Variants in CWC27 observed in about 807,000 individuals in gnomAD.
CWC27 encodes the protein CWC27 spliceosome associated cyclophilin.
Under a neutral mutation model 63.6 loss-of-function variants are expected in CWC27, and 47 were observed. That is an observed-to-expected ratio of 0.74 (90% CI 0.58 to 0.94). The LOEUF is 0.94. Among genes scored for constraint, CWC27 ranks in the 40% least tolerant of loss-of-function variants. CWC27 has a pLI of 0.00. For missense variants in CWC27, 495 were observed against 554.3 expected (o/e 0.89, Z 1.07); for synonymous variants, 175 against 179.8 (o/e 0.97, Z 0.22).
At chr5:64,958,709 A>T (rs1169556258) in intron 11 of CWC27, among the ~76,000 whole-genome samples, 1 of 152,186 alleles carries the variant, frequency 6.6e-6, no homozygotes, top group Non-Finnish European at 1.5e-5. Context: ...TGTAACCTGC[A>T]CATTTCTCAA....
chr5:64,873,592 G>A (rs992062016), intron 10 of CWC27, among the ~76,000 whole-genome samples: 3 of 152,004 alleles, frequency 2.0e-5, no homozygotes, highest in African/African-American at 7.3e-5. Context: ...CTCCTTGTCA[G>A]GTGAGTAGTA....
chr5:64,986,687 C>A lies in CWC27; in HGVS notation c.1256+9449C>A, dbSNP rs574290425. Among the ~76,000 whole-genome samples the A allele has an allele frequency of 2.6e-5, 4 of 151,822 alleles. No homozygotes were observed. In the South Asian group the frequency reaches 6.2e-4, roughly 24 times the overall value. ...CTGATGCTTTTTGTTTTATCAGAGC[C>A]CCCCCCGGACTGGGCCCCCAGGAGT... On this transcript the variant is annotated intron_variant, in intron 13 of 13. Transcript: ENST00000381070.
intron 11 of CWC27, among the ~76,000 whole-genome samples, chr5:64,923,639 C>A (rs1748044760): frequency 6.9e-6 from 1 of 144,798 alleles, no homozygotes; most frequent in African/African-American, 2.6e-5. Context: ...TTCTATTTCT[C>A]CCAGTTGACA....
intron 11 of CWC27, among the ~76,000 whole-genome samples, chr5:64,938,361 T>C (rs933461754): frequency 4.6e-5 from 7 of 152,194 alleles, no homozygotes; most frequent in Non-Finnish European, 7.3e-5. Flanking sequence ...CCTTCACTTA[T>C]GAAGCTTAGT....
intron 10 of CWC27, among the ~76,000 whole-genome samples, chr5:64,816,088 A>T (rs1266341477): frequency 1.3e-5 from 2 of 152,050 alleles, no homozygotes; most frequent in Non-Finnish European, 2.9e-5. Context: ...CATTTGTTCC[A>T]TTATCCTCAC....
intron 10 of CWC27, among the ~76,000 whole-genome samples, chr5:64,839,952 C>T (rs1317887408): frequency 2.6e-5 from 4 of 152,136 alleles, no homozygotes; most frequent in African/African-American, 9.7e-5. Flanking sequence ...ATTGTAACTT[C>T]AGGGTCATAT....
intron 13 of CWC27, among the ~76,000 whole-genome samples, chr5:65,014,617 T>C (rs891278423): frequency 5.9e-5 from 9 of 152,092 alleles, no homozygotes; most frequent in African/African-American, 2.2e-4. Flanking sequence ...TATTGGGACA[T>C]ACATGATTGT....
intron 10 of CWC27, among the ~76,000 whole-genome samples, chr5:64,840,362 TAAAAAAAAAAAAAAAAAAAA>T (rs10534375): frequency 2.7e-4 from 6 of 22,240 alleles, no homozygotes; most frequent in African/African-American, 8.7e-4. Context: ...CCTTTTTCAT[TAAAAAAAAAAAAAAAAAAAA>T]AAAAAAAAAA....
intron 10 of CWC27, among the ~76,000 whole-genome samples, chr5:64,805,215 C>G (rs1341347959): frequency 6.6e-6 from 1 of 151,436 alleles, no homozygotes; most frequent in Non-Finnish European, 1.5e-5. Context: ...TTTATGTAAT[C>G]AAATAAAAAT....
intron 11 of CWC27, among the ~76,000 whole-genome samples, chr5:64,899,584 T>C (rs1747456274): frequency 4.6e-5 from 7 of 152,190 alleles, no homozygotes; most frequent in Admixed American, 4.6e-4. Flanking sequence ...ATGAACATAT[T>C]ATGAAACAGG....
chr5:65,004,378 C>CTTTTTT (rs70983659), intron 13 of CWC27, among the ~76,000 whole-genome samples: 34 of 79,518 alleles, frequency 4.3e-4, no homozygotes, highest in Non-Finnish European at 5.4e-4. Flanking sequence ...GTTGTATAGG[C>CTTTTTT]TTTTTTTTTT....
At chr5:64,824,815 C>T (rs1745315287) in intron 10 of CWC27, among the ~76,000 whole-genome samples, 1 of 148,994 alleles carries the variant, frequency 6.7e-6, no homozygotes, top group African/African-American at 2.5e-5. Context: ...TCACTGCAAC[C>T]TCCGCCTCCC....
intron 10 of CWC27, among the ~76,000 whole-genome samples, chr5:64,823,240 A>G (rs974924254): frequency 4.6e-5 from 7 of 152,252 alleles, no homozygotes; most frequent in African/African-American, 1.7e-4. Context: ...TGAAAGTACC[A>G]TTGATACCAC....
At chr5:64,860,215 T>TAACTTATAAATAACATAAATAATG (rs1257990049) in intron 10 of CWC27, among the ~76,000 whole-genome samples, 4 of 152,202 alleles carry the variant, frequency 2.6e-5, no homozygotes, top group African/African-American at 7.2e-5. Flanking sequence ...ATGTTATTTA[T>TAACTTATAAATAACATAAATAATG]TTGCTGATAT....
At chr5:64,836,088 A>G (rs1232282497) in intron 10 of CWC27, among the ~76,000 whole-genome samples, 2 of 151,972 alleles carry the variant, frequency 1.3e-5, no homozygotes, top group African/African-American at 4.8e-5. Flanking sequence ...TATTATATTC[A>G]AATAAGTAAA....
intron 11 of CWC27, among the ~76,000 whole-genome samples, chr5:64,928,602 G>A (rs539943278): frequency 3.3e-5 from 5 of 149,506 alleles, no homozygotes; most frequent in African/African-American, 7.7e-5. Flanking sequence ...ACACACACAC[G>A]TTTGCAGAAA....
chr5:64,958,758 T>A (rs577180072), intron 11 of CWC27, among the ~76,000 whole-genome samples: 1 of 152,278 alleles, frequency 6.6e-6, no homozygotes, highest in South Asian at 2.1e-4. Context: ...ACGTTCTGTA[T>A]TATTTTATTT....
chr5:64,812,280 A>G (rs1208518822), intron 10 of CWC27, among the ~76,000 whole-genome samples: 4 of 152,134 alleles, frequency 2.6e-5, no homozygotes, highest in Non-Finnish European at 5.9e-5. Flanking sequence ...TAACAACCCA[A>G]TTCAAACCAT....
chr5:64,772,509 C>A (rs1054473261), intron 1 of CWC27, among the ~76,000 whole-genome samples: 1 of 149,788 alleles, frequency 6.7e-6, no homozygotes, highest in Non-Finnish European at 1.5e-5. Context: ...AGCCTGTAAT[C>A]CCAGCTACTC....
Sources: gnomAD v4.1 joint callset for allele counts (sites outside exome capture counted in the v4.1 genomes callset) on GRCh38, gnomAD v4.1.1 for gene constraint, MANE v1.5 for transcripts, NCBI Gene and HGNC (gene_info 2026-07-23, HGNC 2026-07-21) for gene names.